The following CEP85L variants were observed in gnomAD, a reference collection of about 807,000 sequenced individuals.
The protein encoded by CEP85L is centrosomal protein 85L.
In CEP85L, 60 loss-of-function variants were observed where a neutral mutation model predicts 100.3. That is an observed-to-expected ratio of 0.60 (90% CI 0.49 to 0.74). CEP85L has a LOEUF of 0.74. Among genes scored for constraint, CEP85L ranks in the 30% least tolerant of loss-of-function variants. The probability of loss-of-function intolerance (pLI) is 0.00; values close to 1 mark genes in which losing one functional copy is unlikely to be tolerated. For synonymous variants in CEP85L, 319 were observed against 322.7 expected, an observed-to-expected ratio of 0.99 and a Z score of 0.12; for missense variants, 973 against 936.2, an observed-to-expected ratio of 1.04 and a Z score of -0.51.
At chr6:118,548,933 T>C (rs1778369726) in intron 3 of CEP85L, among the ~76,000 whole-genome samples, 1 of 151,990 alleles carries the variant, frequency 6.6e-6, no homozygotes. Context: ...GAATATATAA[T>C]ACAAGCTACT....
intron 3 of CEP85L, among the ~76,000 whole-genome samples, chr6:118,537,163 A>G (rs1777643414): frequency 6.6e-6 from 1 of 152,146 alleles, no homozygotes; most frequent in South Asian, 2.1e-4. Context: ...TGTAACCAAT[A>G]TAAGTAATCT....
intron 1 of CEP85L, among the ~76,000 whole-genome samples, chr6:118,699,906 G>A (rs1160985297): frequency 6.6e-6 from 1 of 152,038 alleles, no homozygotes; most frequent in Non-Finnish European, 1.5e-5. Flanking sequence ...TGTTGGCCAC[G>A]CTGGTCTTGA....
intron 1 of CEP85L, among the ~76,000 whole-genome samples, chr6:118,642,519 TCAG>T: frequency 6.6e-6 from 1 of 152,168 alleles, no homozygotes; most frequent in African/African-American, 2.4e-5. Context: ...ATGCTTTCAC[TCAG>T]CTAAAATAAG....
chr6:118,515,833 G>A (rs1199496579), intron 4 of CEP85L, among the ~76,000 whole-genome samples: 3 of 152,142 alleles, frequency 2.0e-5, no homozygotes, highest in African/African-American at 7.2e-5. Context: ...GTATACACCT[G>A]TCATGGTGGT....
At chr6:118,516,811 A>T (rs1241541513) in intron 4 of CEP85L, among the ~76,000 whole-genome samples, 1 of 152,178 alleles carries the variant, frequency 6.6e-6, no homozygotes, top group Non-Finnish European at 1.5e-5. Flanking sequence ...TTAGACATGA[A>T]GCCTTTGCCC....
chr6:118,688,974 C>T (rs1776939630), intron 1 of CEP85L, among the ~76,000 whole-genome samples: 1 of 152,232 alleles, frequency 6.6e-6, no homozygotes, highest in African/African-American at 2.4e-5. Flanking sequence ...ATCCACACTT[C>T]CTTCAAATGG....
At chr6:118,591,059 C>T (rs116925849) in intron 2 of CEP85L, among the ~76,000 whole-genome samples, 1,998 of 152,282 alleles carry the variant, frequency 0.013, 124 homozygotes, top group Admixed American at 0.11. Flanking sequence ...CAATCACACT[C>T]TCTCTACCAG....
chr6:118,608,682 T>G (rs1284910243), intron 2 of CEP85L, among the ~76,000 whole-genome samples: 1 of 152,226 alleles, frequency 6.6e-6, no homozygotes, highest in Non-Finnish European at 1.5e-5. Context: ...ATATCATGTA[T>G]TAAATTTCCA....
At chr6:118,530,483 C>G (rs893922241) in intron 3 of CEP85L, among the ~76,000 whole-genome samples, 1 of 151,630 alleles carries the variant, frequency 6.6e-6, no homozygotes, top group Non-Finnish European at 1.5e-5. Flanking sequence ...TCTCTCACAC[C>G]ACTCCTATTC....
At chr6:118,691,197 C>G (rs933585649) in intron 1 of CEP85L, among the ~76,000 whole-genome samples, 1 of 69,838 alleles carries the variant, frequency 1.4e-5, no homozygotes, top group Non-Finnish European at 3.5e-5. Flanking sequence ...GGTGGATCAC[C>G]TGAGATCAGG....
intron 2 of CEP85L, among the ~76,000 whole-genome samples, chr6:118,605,571 G>C (rs868026217): frequency 1.8e-4 from 27 of 152,196 alleles, no homozygotes; most frequent in African/African-American, 6.5e-4. Context: ...CTTTGATTTT[G>C]AGAGGGATCC....
chr6:118,680,759 C>T (rs1201985887), intron 1 of CEP85L, among the ~76,000 whole-genome samples: 1 of 152,052 alleles, frequency 6.6e-6, no homozygotes, highest in Admixed American at 6.6e-5. Flanking sequence ...CCTGTGTGTC[C>T]TCTGCTACTC....
rs147180661 is a variant in CEP85L, at chr6:118,508,035, T to C, written c.1257+3263A>G. On this transcript the variant is annotated intron_variant, in intron 5 of 12. Transcript: ENST00000368491. The stretch of plus-strand genomic sequence containing the variant: ...TTAAGATAAACAATTTTTAAGGAAA[T>C]GGATAAATATATTTTTTGGTATACT... Among the ~76,000 whole-genome samples the C allele has an allele frequency of 3.3e-3, 499 of 152,298 alleles. 15 individuals carry two copies. Among genetic ancestry groups the C allele is most frequent in the Admixed American group, 0.03 (458 of 15,292 alleles).
Position 118,478,396 on chromosome 6 carries a change from T to C in CEP85L, c.1914+1475A>G, listed in dbSNP as rs146620369. 3.7e-3 allele frequency among the ~76,000 whole-genome samples: 556 copies of C among 152,244 alleles called. 6 individuals carry two copies. Among genetic ancestry groups the C allele is most frequent in the African/African-American group, 0.013 (536 of 41,566 alleles). ...TTCATCTCCAGCTTTGCTATTCAAA[T>C]ACCATCTTCACAAATATAGCTATTT... On this transcript the variant is annotated intron_variant, in intron 10 of 12. Coordinates refer to ENST00000368491, the MANE Select transcript of CEP85L (RefSeq NM_001042475.3).
intron 4 of CEP85L, among the ~76,000 whole-genome samples, chr6:118,516,745 G>T (rs1480749021): frequency 6.6e-6 from 1 of 152,130 alleles, no homozygotes; most frequent in East Asian, 1.9e-4. Flanking sequence ...AAGCTCTTTA[G>T]TTTAATTAGA....
Position 118,523,853 on chromosome 6 carries a change from A to G in CEP85L, c.1088T>C (p.Met363Thr). The G allele has an allele frequency of 1.9e-6, 3 of 1,609,012 alleles. No individual in the cohort carries two copies. The highest frequency in any genetic ancestry group is 1.7e-4 in the Middle Eastern group (1 of 6,048). The stretch of plus-strand genomic sequence containing the variant: ...TAGAAGTCCTTCTTTTATTTTCAAC[A>G]TTGATTCCCACTTACTGAAATCCTG... ...GYQDFSKWES[M>T]LKIKEGLLRQ... is the part of the protein sequence containing the mutation. Residue 363 changes from methionine (M) to threonine (T), a missense_variant, in exon 4 of 13, where the codon ATG becomes ACG. Met to Thr is a moderately conservative substitution (Grantham distance 81). Transcript: ENST00000368491.
Position 118,648,576 on chromosome 6 carries a change from C to T in CEP85L, c.73+2621G>A, listed in dbSNP as rs111815898. 1.4e-4 allele frequency among the ~76,000 whole-genome samples: 21 copies of T among 151,972 alleles called. 1 individual carries two copies. Among genetic ancestry groups the T allele is most frequent in the African/African-American group, 5.1e-4 (21 of 41,442 alleles). On this transcript the variant is annotated intron_variant, in intron 1 of 12. Transcript: ENST00000368491. ...GTAACACGGTGAAACCCCGTCTCTACTAAAAATACAAAAAAATAACCCGGG... is the reference window on the plus strand; with the variant it reads ...GTAACACGGTGAAACCCCGTCTCTATTAAAAATACAAAAAAATAACCCGGG...
chr6:118,690,028 C>T (rs370729259), intron 1 of CEP85L, among the ~76,000 whole-genome samples: 28 of 151,740 alleles, frequency 1.8e-4, no homozygotes, highest in African/African-American at 6.5e-4. Context: ...TGCTGGATTA[C>T]AGGCATGAGC....
chr6:118,696,096 A>T (rs945714232), intron 1 of CEP85L, among the ~76,000 whole-genome samples: 1 of 151,778 alleles, frequency 6.6e-6, no homozygotes, highest in Non-Finnish European at 1.5e-5. Flanking sequence ...CATGGTGAAA[A>T]CCTGTCTCTA....
Sources: gnomAD v4.1 joint callset for allele counts (sites outside exome capture counted in the v4.1 genomes callset) on GRCh38, gnomAD v4.1.1 for gene constraint, MANE v1.5 for transcripts, NCBI Gene and HGNC (gene_info 2026-07-23, HGNC 2026-07-21) for gene names.